The following RFLNA variants were observed in gnomAD, a reference collection of about 807,000 sequenced individuals.
RFLNA encodes the protein refilin A.
RFLNA carries 5 observed loss-of-function variants against 7.8 expected under a neutral mutation model. The observed-to-expected ratio is 0.64, with a 90% CI of 0.34 to 1.35. RFLNA has a LOEUF of 1.35. RFLNA is among the 40% of genes most tolerant of loss of function. The probability of loss-of-function intolerance (pLI) is 0.04; values close to 1 mark genes in which losing one functional copy is unlikely to be tolerated. For missense variants in RFLNA, 278 were observed against 305.5 expected, an observed-to-expected ratio of 0.91 and a Z score of 0.67; for synonymous variants, 141 against 131.3, an observed-to-expected ratio of 1.07 and a Z score of -0.50.
At chr12:124,298,520 G>A (rs1057440640) in intron 1 of RFLNA, among the ~76,000 whole-genome samples, 4 of 152,212 alleles carry the variant, frequency 2.6e-5, no homozygotes, top group Admixed American at 2.6e-4. Flanking sequence ...CAGGCCAGAC[G>A]AAGAGCTGGG....
At chr12:124,295,706 G>T (rs1028279427) in intron 1 of RFLNA, 70 bp downstream of exon 1, 14 of 1,214,898 alleles carry the variant, frequency 1.2e-5, no homozygotes, top group Non-Finnish European at 1.1e-5. Context: ...CCCCAGAGAC[G>T]CGCGCCACTG....
rs772753988 is a variant in RFLNA, at chr12:124,314,432, C to T, written c.558C>T (p.Ser186=). 6 of 1,603,418 alleles carry T rather than the reference C, an allele frequency of 3.7e-6. No individual in the cohort carries two copies. In the South Asian group the frequency reaches 6.6e-5, roughly 18 times the overall value. The stretch of plus-strand genomic sequence containing the variant: ...CTTTCCGGACCACCCTGCACTGCAG[C>T]CTGGGCCGGCCCAGCCGCTGGTTCA... The part of the protein sequence containing the change: ...RSTFRTTLHC[S]LGRPSRWFTA... Residue 186 remains serine, a synonymous_variant, in exon 3 of 3, where the codon AGC becomes AGT. Coordinates refer to ENST00000546355, the MANE Select transcript of RFLNA (RefSeq NM_001365156.1).
chr12:124,296,084 C>CTT (rs67382385), intron 1 of RFLNA, among the ~76,000 whole-genome samples: 2 of 7,792 alleles, frequency 2.6e-4, no homozygotes, highest in Admixed American at 1.9e-3. Flanking sequence ...TTCTTTCTTT[C>CTT]TTTCTTTCTT....
upstream of RFLNA, among the ~76,000 whole-genome samples, chr12:124,292,056 T>C (rs2033832557): frequency 6.6e-6 from 1 of 152,252 alleles, no homozygotes; most frequent in South Asian, 2.1e-4. Flanking sequence ...AATATCTACT[T>C]TCTCTGCCCA....
chr12:124,296,437 G>A (rs1350983063), intron 1 of RFLNA, among the ~76,000 whole-genome samples: 1 of 151,560 alleles, frequency 6.6e-6, no homozygotes, highest in Non-Finnish European at 1.5e-5. Flanking sequence ...CCGAGCGGGC[G>A]CCTTTGCAGC....
chr12:124,295,705 C>T, intron 1 of RFLNA, 69 bp downstream of exon 1: 1 of 1,217,364 alleles, frequency 8.2e-7, no homozygotes, highest in Non-Finnish European at 1.0e-6. Flanking sequence ...CCCCCAGAGA[C>T]GCGCGCCACT....
At chr12:124,305,581 T>G (rs758749755) in intron 1 of RFLNA, among the ~76,000 whole-genome samples, 2 of 152,208 alleles carry the variant, frequency 1.3e-5, no homozygotes, top group Non-Finnish European at 2.9e-5. Context: ...TCCATTCCTG[T>G]GCCTGTTCTG....
intron 1 of RFLNA, among the ~76,000 whole-genome samples, chr12:124,300,590 A>AGATG (rs373827351): frequency 3.3e-4 from 49 of 147,772 alleles, no homozygotes; most frequent in African/African-American, 5.3e-4. Context: ...ATGGATAGAT[A>AGATG]GATGGATGGA....
chr12:124,305,717 C>A (rs1344151631), intron 1 of RFLNA, among the ~76,000 whole-genome samples: 1 of 152,236 alleles, frequency 6.6e-6, no homozygotes, highest in African/African-American at 2.4e-5. Context: ...ATCAGGCCCA[C>A]CTGGATGACC....
upstream of RFLNA, among the ~76,000 whole-genome samples, chr12:124,290,338 ATG>A (rs1216538519): frequency 2.2e-4 from 33 of 151,726 alleles, no homozygotes; most frequent in African/African-American, 7.3e-4. The surrounding 1 kb of genome is among the most constrained non-coding windows in gnomAD (Gnocchi z 4.0). Flanking sequence ...GCATTTGCAT[ATG>A]TGTGTGCATA....
At position 124,314,358 on chromosome 12, in the gene RFLNA, C is replaced by G. The variant is rs2034309811; in HGVS notation, c.484C>G (p.Leu162Val). 1 of 1,613,216 alleles carries G rather than the reference C, an allele frequency of 6.2e-7. No individual in the cohort carries two copies. Among genetic ancestry groups the G allele is most frequent in the Non-Finnish European group, 8.5e-7 (1 of 1,179,962 alleles). Residue 162 changes from leucine to valine, a missense_variant, in exon 3 of 3, where the codon CTG becomes GTG. Leu to Val is a conservative substitution (Grantham distance 32). Coordinates refer to ENST00000546355, the MANE Select transcript of RFLNA (RefSeq NM_001365156.1). ...QLTLEPRPRALRFRSTTIIFP... is the reference protein window; with the variant it reads ...QLTLEPRPRAVRFRSTTIIFP... ...GACCCTGGAGCCACGCCCGCGCGCC[C>G]TGCGCTTCCGCAGCACCACCATCAT...
rs542777929 is a variant in RFLNA at position 124,311,687 on chromosome 12, T to TG, written c.208-128dup. ...TGGGCCCCACAAAGCGGCTTCCTGA[T>TG]GGGCCCCACCAAGCAGCTTCCAGAC... On this transcript the variant is annotated intron_variant, in intron 1 of 2. Coordinates refer to ENST00000546355, the MANE Select transcript of RFLNA (RefSeq NM_001365156.1). 33 of 840,676 alleles carry TG rather than the reference T, an allele frequency of 3.9e-5. No individual in the cohort carries two copies. The East Asian group carries it at 1.0e-3, about 27-fold the overall frequency. 52.1% of individuals were successfully genotyped at this position (840,676 alleles called of 1,614,324 possible).
chr12:124,298,390 C>G (rs1334315789), intron 1 of RFLNA, among the ~76,000 whole-genome samples: 1 of 152,164 alleles, frequency 6.6e-6, no homozygotes, highest in Admixed American at 6.5e-5. Context: ...TGTAAGATCA[C>G]TCCCCAAGAC....
intron 1 of RFLNA, among the ~76,000 whole-genome samples, chr12:124,304,814 C>T (rs573611171): frequency 6.6e-6 from 1 of 152,316 alleles, no homozygotes; most frequent in East Asian, 1.9e-4. Flanking sequence ...ACACTGGTGT[C>T]GTCCTCTCTC....
chr12:124,290,533 TTTA>T (rs2033807512), upstream of RFLNA, among the ~76,000 whole-genome samples: 1 of 152,040 alleles, frequency 6.6e-6, no homozygotes, highest in Non-Finnish European at 1.5e-5. This position sits in a 1 kb window ranked among gnomAD's most constrained non-coding sequence, Gnocchi z 4.0. Context: ...TATATTTGTG[TTTA>T]TGTGTATATA....
Position 124,311,932 on chromosome 12 carries a change from G to C in RFLNA, c.317+5G>C. The stretch of plus-strand genomic sequence containing the variant: ...GGAACCCACGCATGAGATCCGGTGA[G>C]TGGGCCACTGGGCTCTGCGCGGGAG... On this transcript the variant is annotated splice_donor_5th_base_variant and intron_variant, in intron 2 of 2. Transcript: ENST00000546355. The C allele has an allele frequency of 6.3e-7, 1 of 1,574,808 alleles. No individual in the cohort carries two copies. The highest frequency in any genetic ancestry group is 8.6e-7 in the Non-Finnish European group (1 of 1,162,700).
chr12:124,291,611 G>C (rs2033825664), upstream of RFLNA, among the ~76,000 whole-genome samples: 1 of 152,220 alleles, frequency 6.6e-6, no homozygotes, highest in South Asian at 2.1e-4. Flanking sequence ...GCACGATGGT[G>C]CGTGTGCAGA....
At chr12:124,307,484 T>C (rs1471495830) in intron 1 of RFLNA, among the ~76,000 whole-genome samples, 1 of 152,182 alleles carries the variant, frequency 6.6e-6, no homozygotes, top group African/African-American at 2.4e-5. Flanking sequence ...GCCAGGCTGG[T>C]CACAGCTGTG....
At chr12:124,314,124 T>G in intron 2 of RFLNA, 68 bp from the exon 3 acceptor site, 1 of 1,538,572 alleles carries the variant, frequency 6.5e-7, no homozygotes. Flanking sequence ...TTCGTGTCCA[T>G]GCTGAGGGCA....
Sources: allele counts gnomAD v4.1 joint callset (sites outside exome capture counted in the v4.1 genomes callset), GRCh38; gene constraint gnomAD v4.1.1; non-coding constraint Gnocchi (gnomAD v3.1); transcripts MANE v1.5; gene names NCBI Gene and HGNC (gene_info 2026-07-23, HGNC 2026-07-21).